Variants in MROH9 observed in about 807,000 individuals in gnomAD.
The protein encoded by MROH9 is maestro heat-like repeat-containing protein family member 9.
A neutral mutation model predicts 98.2 loss-of-function variants in MROH9; 92 were observed. The ratio of observed to expected loss-of-function variants is 0.94; its 90% CI spans 0.79 to 1.11. The LOEUF is 1.11. Among genes scored for constraint, MROH9 ranks in the 50% most tolerant of loss-of-function variants. The probability of loss-of-function intolerance (pLI) is 0.00; values close to 1 mark genes in which losing one functional copy is unlikely to be tolerated. For missense variants in MROH9, 1,057 were observed against 1,014.8 expected (o/e 1.04, Z -0.57); for synonymous variants, 397 against 368.9 (o/e 1.08, Z -0.87).
chr1:171,022,322 C>A (rs1303892061), intron 17 of MROH9, among the ~76,000 whole-genome samples: 1 of 152,008 alleles, frequency 6.6e-6, no homozygotes, highest in Non-Finnish European at 1.5e-5. Flanking sequence ...GCACTACTTA[C>A]AGTAGCAAAG....
chr1:171,016,237 G>A lies in MROH9; in HGVS notation c.1809G>A (p.Gln603=), dbSNP rs1652323280. The A allele has an allele frequency of 1.3e-6, 2 of 1,541,170 alleles. No individual in the cohort carries two copies. The highest frequency in any genetic ancestry group is 2.8e-5 in the African/African-American group (2 of 72,440). The change falls in exon 17 of 22, where the codon CAG becomes CAA. Residue 603 remains glutamine, a synonymous_variant. Coordinates refer to ENST00000367759, the MANE Select transcript of MROH9 (RefSeq NM_001163629.2). ...CCAAAGACGATAATGTTGTACTTCA[G>A]GCCTTGCTCACCCTTAGAAGGCTTT... is the stretch of plus-strand genomic sequence containing the variant. ...FLSKDDNVVL[Q]ALLTLRRLLN... is the part of the protein sequence containing the mutation.
At chr1:171,033,517 C>T (rs999106066) in intron 20 of MROH9, among the ~76,000 whole-genome samples, 1 of 152,154 alleles carries the variant, frequency 6.6e-6, no homozygotes, top group Non-Finnish European at 1.5e-5. Flanking sequence ...CTTCCCTGCC[C>T]CGTGTGGCTC....
intron 8 of MROH9, among the ~76,000 whole-genome samples, chr1:170,983,217 T>C (rs915506644): frequency 2.0e-5 from 3 of 152,234 alleles, no homozygotes; most frequent in South Asian, 2.1e-4. Flanking sequence ...TCCATTCATA[T>C]GTCACATGGA....
chr1:171,062,822 T>A (rs973638472), intron 21 of MROH9, among the ~76,000 whole-genome samples: 4 of 152,210 alleles, frequency 2.6e-5, no homozygotes, highest in African/African-American at 9.7e-5. Context: ...TTAGAGCAGT[T>A]TCAGGTTCAC....
intron 15 of MROH9, among the ~76,000 whole-genome samples, chr1:171,012,657 C>A (rs1408057511): frequency 6.6e-6 from 1 of 151,932 alleles, no homozygotes; most frequent in Non-Finnish European, 1.5e-5. Context: ...TGCCTGCCAC[C>A]ACGCCTGGCT....
chr1:171,002,306 T>C (rs562975982), intron 15 of MROH9, among the ~76,000 whole-genome samples: 1 of 152,212 alleles, frequency 6.6e-6, no homozygotes, highest in Non-Finnish European at 1.5e-5. Context: ...GTGTATTTTG[T>C]TTTTTGTTTT....
intron 20 of MROH9, among the ~76,000 whole-genome samples, chr1:171,029,769 G>A (rs978521071): frequency 7.2e-5 from 11 of 152,064 alleles, no homozygotes; most frequent in Non-Finnish European, 1.5e-5. Context: ...TTTTTATTGT[G>A]TCTCTTTCTG....
At chr1:171,013,874 TACACACAC>T (rs34557125) in intron 15 of MROH9, among the ~76,000 whole-genome samples, 10,975 of 144,292 alleles carry the variant, frequency 0.076, 692 homozygotes, top group African/African-American at 0.18. Context: ...GTAAAATACA[TACACACAC>T]ACACACACAC....
intron 20 of MROH9, among the ~76,000 whole-genome samples, chr1:171,050,385 A>C (rs776151561): frequency 6.6e-6 from 1 of 152,120 alleles, no homozygotes; most frequent in Admixed American, 6.5e-5. Context: ...TCTTATAGAG[A>C]TCTTTCACCT....
At chr1:170,985,068 G>C (rs746747947) in intron 9 of MROH9, among the ~76,000 whole-genome samples, 2 of 152,110 alleles carry the variant, frequency 1.3e-5, no homozygotes, top group Non-Finnish European at 2.9e-5. Flanking sequence ...TTTATATAGT[G>C]GTTGGTTGTA....
In MROH9 at chr1:171,064,129, C is replaced by T; in HGVS notation, c.2375C>T (p.Pro792Leu). 7.1e-6 allele frequency: 11 copies of T among 1,549,836 alleles called. No homozygotes were observed. The highest frequency in any genetic ancestry group is 9.6e-6 in the Non-Finnish European group (11 of 1,146,590). Residue 792 changes from proline (P) to leucine (L), a missense_variant, in exon 22 of 22, where the codon CCT becomes CTT. By Grantham distance (98) the Pro-to-Leu change is moderately conservative. Coordinates refer to ENST00000367759, the MANE Select transcript of MROH9 (RefSeq NM_001163629.2). ...VIERLLRDED[P>L]MIKQLAEITY... ...GAACGACTGCTCCGAGATGAAGACCCTATGATCAAACAGTTGGCTGAAATA... is the reference window on the plus strand; with the variant it reads ...GAACGACTGCTCCGAGATGAAGACCTTATGATCAAACAGTTGGCTGAAATA...
chr1:171,057,298 G>A (rs1653870831), intron 20 of MROH9, among the ~76,000 whole-genome samples: 1 of 152,190 alleles, frequency 6.6e-6, no homozygotes, highest in Non-Finnish European at 1.5e-5. Flanking sequence ...GAAAAACACA[G>A]CACAAGAACT....
intron 9 of MROH9, among the ~76,000 whole-genome samples, chr1:170,984,315 T>C (rs1300213405): frequency 6.6e-6 from 1 of 152,170 alleles, no homozygotes; most frequent in Non-Finnish European, 1.5e-5. Flanking sequence ...ATGGGTTGAA[T>C]TGTGGGAGGC....
At chr1:171,003,445 T>C (rs961991194) in intron 15 of MROH9, among the ~76,000 whole-genome samples, 3 of 152,214 alleles carry the variant, frequency 2.0e-5, no homozygotes, top group African/African-American at 7.2e-5. Context: ...TCCCTTGATG[T>C]AGTACTCTTC....
intron 15 of MROH9, among the ~76,000 whole-genome samples, chr1:170,999,712 C>T (rs1317027042): frequency 6.6e-6 from 1 of 152,042 alleles, no homozygotes; most frequent in Non-Finnish European, 1.5e-5. Context: ...ATTGCTGGAT[C>T]AAATAAATGG....
At chr1:171,026,180 G>A (rs745747704) in intron 20 of MROH9, among the ~76,000 whole-genome samples, 1 of 151,846 alleles carries the variant, frequency 6.6e-6, no homozygotes, top group Non-Finnish European at 1.5e-5. Context: ...CAGAGAGGAG[G>A]GGCAGAACAC....
intron 20 of MROH9, among the ~76,000 whole-genome samples, chr1:171,031,885 T>G (rs371141617): frequency 3.3e-5 from 5 of 152,322 alleles, no homozygotes; most frequent in African/African-American, 1.2e-4. Context: ...CCAGCTTGTT[T>G]CCATTCTCCT....
chr1:170,997,883 T>C lies in MROH9; in HGVS notation c.1476-271T>C, dbSNP rs368863444. ...TTTAGTCAAGAATTGATGGGGAGCT[T>C]GCACTAAAATAGGACATTCTGTTCT... On this transcript the variant is annotated intron_variant, in intron 14 of 21. Coordinates refer to ENST00000367759, the MANE Select transcript of MROH9 (RefSeq NM_001163629.2). Among the ~76,000 whole-genome samples the C allele has an allele frequency of 2.8e-4, 42 of 152,294 alleles. No homozygotes were observed. The South Asian group carries it at 8.1e-3, about 29-fold the overall frequency.
At chr1:171,038,264 A>G (rs1037361813) in intron 20 of MROH9, among the ~76,000 whole-genome samples, 1 of 152,182 alleles carries the variant, frequency 6.6e-6, no homozygotes, top group African/African-American at 2.4e-5. Context: ...TTGGCTCTTA[A>G]GCATTAAAAT....
Sources: gnomAD v4.1 joint callset for allele counts (sites outside exome capture counted in the v4.1 genomes callset) on GRCh38, gnomAD v4.1.1 for gene constraint, MANE v1.5 for transcripts, NCBI Gene and HGNC (gene_info 2026-07-23, HGNC 2026-07-21) for gene names.